Variants in PNPLA6 observed in about 807,000 individuals in gnomAD.
The protein encoded by PNPLA6 is patatin like domain 6, lysophospholipase.
A neutral mutation model predicts 153.7 loss-of-function variants in PNPLA6; 105 were observed. The ratio of observed to expected loss-of-function variants is 0.68; its 90% CI spans 0.58 to 0.80. PNPLA6 has a LOEUF of 0.80. Among genes scored for constraint, PNPLA6 ranks in the 30% least tolerant of loss-of-function variants. PNPLA6 has a pLI of 0.00. For missense variants in PNPLA6, 1,423 were observed against 1,919.3 expected, an observed-to-expected ratio of 0.74 and a Z score of 4.83; for synonymous variants, 825 against 822.2, an observed-to-expected ratio of 1.00 and a Z score of -0.06.
chr19:7,555,839 T>TG lies in PNPLA6; in HGVS notation c.3093+81dup. On this transcript the variant is annotated intron_variant, in intron 24 of 31. Transcript: ENST00000600737. The surrounding 1 kb of genome is among the most constrained non-coding windows in gnomAD (Gnocchi z 6.3). ...GTGGTTCCAACCTAACCTGATCCCA[T>TG]GGGGGAGCCTCCGGGGTCAGGGTGA... 6.7e-7 allele frequency: 1 copy of TG among 1,497,500 alleles called. No homozygotes were observed. The highest frequency in any genetic ancestry group is 1.1e-5 in the South Asian group (1 of 88,218). The allele number at this position is 1,497,500 out of a possible 1,614,324, so 92.8% of individuals were successfully genotyped here. A position where few individuals can be genotyped will look rare whatever the true frequency, so the allele number is the denominator to read the frequency against.
chr19:7,537,575 T>C (rs1192442245), intron 3 of PNPLA6, among the ~76,000 whole-genome samples: 2 of 152,182 alleles, frequency 1.3e-5, no homozygotes, highest in Non-Finnish European at 2.9e-5. Flanking sequence ...CCTCAAGGGT[T>C]TCTTCACACC....
At chr19:7,535,599 G>T (rs370131432), upstream of PNPLA6, 24 of 1,600,014 alleles carry the variant, frequency 1.5e-5, 1 homozygote, top group South Asian at 2.7e-4. The surrounding 1 kb of genome is among the most constrained non-coding windows in gnomAD (Gnocchi z 5.0). Flanking sequence ...GGCGGAGACC[G>T]GGTAGGTGCC....
Position 7,551,111 on chromosome 19 carries a change from C to T in PNPLA6, c.2184+4C>T, listed in dbSNP as rs569845262. Reference sequence around the variant, plus strand: ...CATCAAACGCCGGTACCCGCAGGTGCGGCCTGTTGTGGGCGGGGCAGAGAG... The same window carrying T: ...CATCAAACGCCGGTACCCGCAGGTGTGGCCTGTTGTGGGCGGGGCAGAGAG... On this transcript the variant is annotated splice_donor_region_variant and intron_variant, in intron 17 of 31. Coordinates refer to ENST00000600737, the MANE Select transcript of PNPLA6 (RefSeq NM_001166114.2). 20 of 1,216,916 alleles carry T rather than the reference C, an allele frequency of 1.6e-5. No homozygotes were observed. In the South Asian group the frequency reaches 1.7e-4, roughly 10 times the overall value. The allele number at this position is 1,216,916 out of a possible 1,614,324, so 75.4% of individuals were successfully genotyped here. A position where few individuals can be genotyped will look rare whatever the true frequency, so the allele number is the denominator to read the frequency against.
At position 7,536,479 on chromosome 19, in the gene PNPLA6, A is replaced by T; in HGVS notation, c.346A>T (p.Thr116Ser). 1 of 1,613,764 alleles carries T rather than the reference A, an allele frequency of 6.2e-7. No homozygotes were observed. Reference sequence around the variant, plus strand: ...ACAATCCACCTCCTCCCTCGTGGATACCTCTGTCTCCGCCACCTCCCGGCC... The same window carrying T: ...ACAATCCACCTCCTCCCTCGTGGATTCCTCTGTCTCCGCCACCTCCCGGCC... The part of the protein sequence containing the change: ...VSQSTSSLVD[T>S]SVSATSRPRM... Residue 116 changes from threonine to serine, a missense_variant, in exon 3 of 32, where the codon ACC (threonine) becomes TCC (serine). Around this residue, in one of 10 missense-constraint regions of PNPLA6, gnomAD observed 74 missense variants for 171.3 expected, o/e 0.43. Coordinates refer to ENST00000600737, the MANE Select transcript of PNPLA6 (RefSeq NM_001166114.2).
intron 13 of PNPLA6, among the ~76,000 whole-genome samples, chr19:7,547,824 T>TAAAAA (rs1289780617): frequency 1.1e-3 from 50 of 44,318 alleles, no homozygotes; most frequent in African/African-American, 8.4e-4. Flanking sequence ...TTTTTTTTTT[T>TAAAAA]TTTTTTTTTT....
chr19:7,541,521 G>A lies in PNPLA6; in HGVS notation c.1006-1G>A. The A allele has an allele frequency of 6.2e-7, 1 of 1,609,842 alleles. No homozygotes were observed. Among genetic ancestry groups the A allele is most frequent in the Non-Finnish European group, 8.5e-7 (1 of 1,178,288 alleles). ...GGCCACAAGCTGTTCTCTGCCCCCAGGAGATCCAGCCCCTGCGTCTGTTCC... is the reference window on the plus strand; with the variant it reads ...GGCCACAAGCTGTTCTCTGCCCCCAAGAGATCCAGCCCCTGCGTCTGTTCC... On this transcript the variant is annotated splice_acceptor_variant, in intron 8 of 31. Coordinates refer to ENST00000600737, the MANE Select transcript of PNPLA6 (RefSeq NM_001166114.2). LOFTEE classifies it high-confidence loss of function. This position sits in a 1 kb window ranked among gnomAD's most constrained non-coding sequence, Gnocchi z 5.2.
chr19:7,551,465 T>C, intron 18 of PNPLA6, 28 bp downstream of exon 18: 2 of 1,578,012 alleles, frequency 1.3e-6, no homozygotes, highest in Non-Finnish European at 1.7e-6. Context: ...CAGAGCGTGC[T>C]GGGAGATGTA....
In PNPLA6 at chr19:7,557,999, GCA is replaced by G. The variant is rs2023959038; in HGVS notation, c.3397+718_3397+719del. On this transcript the variant is annotated intron_variant, in intron 27 of 31. Coordinates refer to ENST00000600737, the MANE Select transcript of PNPLA6 (RefSeq NM_001166114.2). Reference sequence around the variant, plus strand: ...GGCTTACACACACGTGTACACACAGGCACATGTGCACAGATGAACACGTGTGT... The same window carrying G: ...GGCTTACACACACGTGTACACACAGGCATGTGCACAGATGAACACGTGTGT... Among the ~76,000 whole-genome samples the G allele has an allele frequency of 3.3e-5, 5 of 152,176 alleles. No homozygotes were observed. In the South Asian group the frequency reaches 1.0e-3, roughly 32 times the overall value.
chr19:7,555,013 TC>T lies in PNPLA6; in HGVS notation c.2756del (p.Ser919TrpfsTer55). ...GTGGCTAAATATGCGCAGCTGGTGC[TC>T]GGGGCACCTGCACCTGCGCTGTCCG... The part of the protein sequence containing the change: ...VEWLNMRSWC[S>X]GHLHLRCPRR... On this transcript the variant is annotated frameshift_variant, in exon 22 of 32. Transcript: ENST00000600737. LOFTEE classifies it high-confidence loss of function. The surrounding 1 kb of genome is among the most constrained non-coding windows in gnomAD (Gnocchi z 6.3). 1 of 1,593,348 alleles carries T rather than the reference TC, an allele frequency of 6.3e-7. No homozygotes were observed. The highest frequency in any genetic ancestry group is 8.5e-7 in the Non-Finnish European group (1 of 1,178,060).
In PNPLA6 at chr19:7,553,876, C is replaced by G; in HGVS notation, c.2262C>G (p.Gly754=). ...TCTCATCCATTGGGTTCTTAGCAGG[C>G]TCTGGGTTGGGTGTGCCCCCACACT... ...NLQQLQGPFP[G]SGLGVPPHSE... Residue 754 remains glycine (G), a splice_region_variant and synonymous_variant, in exon 19 of 32, where the codon GGC becomes GGG. Transcript: ENST00000600737. 6.2e-7 allele frequency: 1 copy of G among 1,614,230 alleles called. No homozygotes were observed.
At position 7,547,290 on chromosome 19, in the gene PNPLA6, C is replaced by T. The variant is rs530714513; in HGVS notation, c.1609-2617C>T. ...AAAGCAGCGGCACCATTTTACATTT[C>T]CACTGACAGTGTATGTGAATTCCAG... On this transcript the variant is annotated intron_variant, in intron 13 of 31. Transcript: ENST00000600737. Among the ~76,000 whole-genome samples the T allele has an allele frequency of 7.2e-5, 11 of 152,294 alleles. No homozygotes were observed. In the South Asian group the frequency reaches 2.3e-3, roughly 32 times the overall value.
chr19:7,534,475 A>G (rs2022748539), upstream of PNPLA6: 1 of 154,972 alleles, frequency 6.5e-6, no homozygotes, highest in Non-Finnish European at 1.4e-5. Flanking sequence ...CGGGATTCCT[A>G]TCTCCCGGCC....
At position 7,555,329 on chromosome 19, in the gene PNPLA6, G is replaced by T. The variant is rs1328228219; in HGVS notation, c.2898G>T (p.Gly966=). The T allele has an allele frequency of 6.4e-7, 1 of 1,571,158 alleles. No individual in the cohort carries two copies. The highest frequency in any genetic ancestry group is 1.3e-5 in the African/African-American group (1 of 74,200). The change falls in exon 23 of 32, where the codon GGG becomes GGT. Residue 966 remains glycine (G), a synonymous_variant. Transcript: ENST00000600737. This position sits in a 1 kb window ranked among gnomAD's most constrained non-coding sequence, Gnocchi z 6.3. The part of the protein sequence containing the change: ...DFSRLARVLT[G]NTIALVLGGG... ...CCCGCTTGGCGAGGGTGCTCACGGG[G>T]AACACCATTGCCCTTGTGCTAGGCG...
intron 18 of PNPLA6, 123 bp from the exon 19 acceptor site, chr19:7,553,752 G>A (rs2023751364): frequency 2.4e-6 from 3 of 1,276,234 alleles, no homozygotes; most frequent in Non-Finnish European, 3.4e-6. Flanking sequence ...ACTGGGGGCT[G>A]CAGTCTGGGA....
chr19:7,541,109 A>G lies in PNPLA6; in HGVS notation c.924+58A>G. 7.1e-7 allele frequency: 1 copy of G among 1,414,724 alleles called. No individual in the cohort carries two copies. The highest frequency in any genetic ancestry group is 1.5e-5 in the African/African-American group (1 of 68,396). 87.6% of individuals were successfully genotyped at this position (1,414,724 alleles called of 1,614,324 possible). A position where few individuals can be genotyped will look rare whatever the true frequency, so the allele number is the denominator to read the frequency against. ...AGGGACCCCACCCTGGCCCCCACCC[A>G]TTCCAGGCTCCAAGGGACCGAGGCC... On this transcript the variant is annotated intron_variant, in intron 7 of 31. Transcript: ENST00000600737. The surrounding 1 kb of genome is among the most constrained non-coding windows in gnomAD (Gnocchi z 5.2).
In PNPLA6 at chr19:7,556,686, C is replaced by T; in HGVS notation, c.3242C>T (p.Thr1081Ile). The change falls in exon 26 of 32, where the codon ACA becomes ATA. Residue 1081 changes from threonine (T) to isoleucine (I), a missense_variant. Physicochemically the swap from Thr to Ile is moderately conservative, Grantham distance 89. Transcript: ENST00000600737. ...TGGCTGCCTTACTTCAACGTGACCA[C>T]AGATATCACCGCCTCAGCCATGCGA... Reference protein sequence around the residue: ...DLWLPYFNVTTDITASAMRVH... With the variant: ...DLWLPYFNVTIDITASAMRVH... 6.2e-7 allele frequency: 1 copy of T among 1,613,882 alleles called. No individual in the cohort carries two copies. Among genetic ancestry groups the T allele is most frequent in the Non-Finnish European group, 8.5e-7 (1 of 1,179,790 alleles).
At chr19:7,554,836 A>G (rs1488476982) in intron 21 of PNPLA6, 57 bp from the exon 22 acceptor site, 1 of 1,566,536 alleles carries the variant, frequency 6.4e-7, no homozygotes, top group East Asian at 2.3e-5. Flanking sequence ...TCAGGGACCC[A>G]GGTGTGGCCA....
At chr19:7,545,971 G>A (rs190221993) in intron 13 of PNPLA6, among the ~76,000 whole-genome samples, 5 of 150,638 alleles carry the variant, frequency 3.3e-5, no homozygotes, top group African/African-American at 9.8e-5. Context: ...CCCTTGGGCA[G>A]CCCACCGTAT....
At chr19:7,550,916 G>GT in intron 16 of PNPLA6, 78 bp from the exon 17 acceptor site, 2 of 1,149,230 alleles carry the variant, frequency 1.7e-6, no homozygotes, top group Non-Finnish European at 2.5e-6. Context: ...AGATGGGGCA[G>GT]TACAGCCCCC....
Sources: allele counts gnomAD v4.1 joint callset (sites outside exome capture counted in the v4.1 genomes callset), GRCh38; gene constraint gnomAD v4.1.1; regional missense constraint gnomAD v4.1.1; non-coding constraint Gnocchi (gnomAD v3.1); transcripts MANE v1.5; gene names NCBI Gene and HGNC (gene_info 2026-07-23, HGNC 2026-07-21).